NTMT1: variants seen among roughly 807,000 people sequenced by gnomAD.
NTMT1 encodes the protein N-terminal RCC1 methyltransferase.
NTMT1 carries 8 observed loss-of-function variants against 17.5 expected under a neutral mutation model. The observed-to-expected ratio is 0.46, with a 90% CI of 0.27 to 0.82. The LOEUF (loss-of-function observed/expected upper bound fraction) is 0.82. NTMT1 is among the 40% of genes least tolerant of loss of function. The pLI is 0.15. For synonymous variants in NTMT1, 128 were observed against 126.8 expected (o/e 1.01, Z -0.06); for missense variants, 221 against 303.5 (o/e 0.73, Z 2.02).
At chr9:129,630,146 A>G (rs183956943) in intron 1 of NTMT1, among the ~76,000 whole-genome samples, 1 of 152,342 alleles carries the variant, frequency 6.6e-6, no homozygotes, top group Non-Finnish European at 1.5e-5. Flanking sequence ...GTAGTGCAGA[A>G]TATAGTTCTG....
Position 129,613,257 on chromosome 9 carries a change from G to A in NTMT1, c.-55+4079G>A, listed in dbSNP as rs201110691. On this transcript the variant is annotated intron_variant, in intron 1 of 3. Coordinates refer to the NTMT1 transcript ENST00000372486. This position sits in a 1 kb window ranked among gnomAD's most constrained non-coding sequence, Gnocchi z 6.2. ...CCTGTGTCTTCTGGGTGGACCTGGG[G>A]GAGACAGGACCCCATGAGCTTCCTG... 5.0e-4 allele frequency: 801 copies of A among 1,600,180 alleles called. No homozygotes were observed. Among genetic ancestry groups the A allele is most frequent in the Non-Finnish European group, 6.3e-4 (741 of 1,171,612 alleles).
rs1831534872 is a variant in NTMT1 at position 129,636,047 on chromosome 9, CT to C, written c.*585del. ...AAGGGAAGTTCCCCGTAGCCTCAGT[CT>C]TCTCTGGGCTTGAGGCTGCTCCTTG... is the stretch of plus-strand genomic sequence containing the variant. On this transcript the variant is annotated 3_prime_UTR_variant, in exon 4 of 4. Transcript: ENST00000372483. 1.3e-5 allele frequency: 2 copies of C among 152,518 alleles called. No individual in the cohort carries two copies. Among genetic ancestry groups the C allele is most frequent in the Non-Finnish European group, 2.9e-5 (2 of 68,286 alleles). 9.4% of individuals were successfully genotyped at this position (152,518 alleles called of 1,614,324 possible).
rs1280501001 is a variant in NTMT1, at chr9:129,614,663, G to C, written c.-55+5485G>C. ...TCATGCCTGTAATCCCAGCACTTTG[G>C]GAGGCAGAGGCAGGTGGATCCCTGA... On this transcript the variant is annotated intron_variant, in intron 1 of 3. Transcript: ENST00000372486. The surrounding 1 kb of genome is among the most constrained non-coding windows in gnomAD (Gnocchi z 4.4). 6.6e-6 allele frequency among the ~76,000 whole-genome samples: 1 copy of C among 152,202 alleles called. No homozygotes were observed. The highest frequency in any genetic ancestry group is 2.4e-5 in the African/African-American group (1 of 41,444).
chr9:129,635,755 G>A lies in NTMT1; in HGVS notation c.*291G>A, dbSNP rs555178296. The stretch of plus-strand genomic sequence containing the variant: ...CTGGTGCTCCCCATGTGGGAATAGG[G>A]TGGCCACATCAGTAACCGATTCCCT... On this transcript the variant is annotated 3_prime_UTR_variant, in exon 4 of 4. Transcript: ENST00000372483. The A allele has an allele frequency of 2.3e-4, 80 of 355,018 alleles. No individual in the cohort carries two copies. In the Admixed American group the frequency reaches 2.3e-3, roughly 10 times the overall value. The allele number at this position is 355,018 out of a possible 1,614,324, so 22.0% of individuals were successfully genotyped here.
Position 129,620,410 on chromosome 9 carries a change from C to T in NTMT1, c.-55+11232C>T, listed in dbSNP as rs1178886340. 2 of 1,240,298 alleles carry T rather than the reference C, an allele frequency of 1.6e-6. No homozygotes were observed. Among genetic ancestry groups the T allele is most frequent in the African/African-American group, 3.1e-5 (2 of 64,230 alleles). 76.8% of individuals were successfully genotyped at this position (1,240,298 alleles called of 1,614,324 possible). On this transcript the variant is annotated intron_variant, in intron 1 of 3. Coordinates refer to the NTMT1 transcript ENST00000372486. The surrounding 1 kb of genome is among the most constrained non-coding windows in gnomAD (Gnocchi z 5.8). ...CCGGCCACCACGCGGCGCCGCCCCC[C>T]GGGATCCTCCAGTCCCCGGAGCCCC...
intron 1 of NTMT1, among the ~76,000 whole-genome samples, chr9:129,631,670 C>T (rs1376953034): frequency 6.6e-6 from 1 of 152,184 alleles, no homozygotes; most frequent in Non-Finnish European, 1.5e-5. Flanking sequence ...GACTGTGAGA[C>T]CAGGAACTGG....
Position 129,635,587 on chromosome 9 carries a change from T to A in NTMT1, c.*123T>A. On this transcript the variant is annotated 3_prime_UTR_variant, in exon 4 of 4. Transcript: ENST00000372483. Reference sequence around the variant, plus strand: ...CGAGGCACCACTAAATATAGCTGTCTGCCGTCCACTCATTATGCGGGCTCT... The same window carrying A: ...CGAGGCACCACTAAATATAGCTGTCAGCCGTCCACTCATTATGCGGGCTCT... 8.5e-7 allele frequency: 1 copy of A among 1,182,160 alleles called. No homozygotes were observed. Among genetic ancestry groups the A allele is most frequent in the Middle Eastern group, 2.1e-4 (1 of 4,876 alleles). 73.2% of individuals were successfully genotyped at this position (1,182,160 alleles called of 1,614,324 possible).
intron 1 of NTMT1, chr9:129,612,548 C>T: frequency 1.1e-6 from 1 of 923,256 alleles, no homozygotes; most frequent in Non-Finnish European, 1.7e-6. Context: ...CCCTGTTGGG[C>T]AGGTAGTGCT....
exon 1 of NTMT1, chr9:129,608,967 G>A (rs1258028609): frequency 6.6e-6 from 1 of 152,340 alleles, no homozygotes; most frequent in Non-Finnish European, 1.5e-5. Context: ...CCCGTGAAGA[G>A]GTGCTGAGTG....
chr9:129,619,861 T>G (rs1289724593), intron 1 of NTMT1: 3 of 1,608,008 alleles, frequency 1.9e-6, no homozygotes, highest in Non-Finnish European at 1.7e-6. Context: ...TTGTGAGCCT[T>G]GGCTGGGGGA....
chr9:129,625,136 G>A (rs1286455888), upstream of NTMT1, among the ~76,000 whole-genome samples: 1 of 152,096 alleles, frequency 6.6e-6, no homozygotes, highest in African/African-American at 2.4e-5. Context: ...ACTGAAGCTC[G>A]GAAATGTTAA....
chr9:129,629,228 G>C (rs774462647), intron 1 of NTMT1, among the ~76,000 whole-genome samples: 17 of 152,078 alleles, frequency 1.1e-4, no homozygotes, highest in Non-Finnish European at 2.4e-4. Flanking sequence ...CTGGCAGAGG[G>C]GCAGGCAGCC....
At chr9:129,609,290 A>AGT (rs1432679515) in intron 1 of NTMT1, 1 of 152,408 alleles carries the variant, frequency 6.6e-6, no homozygotes, top group Non-Finnish European at 1.5e-5. Flanking sequence ...AGAAAGGGGC[A>AGT]GTGACCTCCT....
chr9:129,612,975 C>T, intron 1 of NTMT1: 1 of 1,178,298 alleles, frequency 8.5e-7, no homozygotes, highest in South Asian at 1.4e-5. Context: ...CTGCAAGCCC[C>T]CACGGTGACT....
At chr9:129,611,363 G>A (rs1830110884) in intron 1 of NTMT1, among the ~76,000 whole-genome samples, 1 of 152,214 alleles carries the variant, frequency 6.6e-6, no homozygotes, top group Non-Finnish European at 1.5e-5. Flanking sequence ...GTGTGGCAGG[G>A]GCAAACCTGG....
chr9:129,633,364 C>T (rs1426210027), intron 2 of NTMT1: 7 of 234,588 alleles, frequency 3.0e-5, no homozygotes, highest in Non-Finnish European at 1.6e-5. Context: ...CATCCAGCGC[C>T]TCCCCTCCCT....
rs1447216768 is a variant in NTMT1 at position 129,626,282 on chromosome 9, A to C, written c.-68A>C. On this transcript the variant is annotated 5_prime_UTR_variant, in exon 1 of 4. Coordinates refer to ENST00000372483, the MANE Select transcript of NTMT1 (RefSeq NM_014064.4). ...CCCATCTTCTTCTCTCGGTCCCGGG[A>C]GCCCCCGCCCGGAGTGAGTAGCGCG... The C allele has an allele frequency of 1.3e-5, 2 of 151,874 alleles. No individual in the cohort carries two copies. The highest frequency in any genetic ancestry group is 4.8e-5 in the African/African-American group (2 of 41,298). 9.4% of individuals were successfully genotyped at this position (151,874 alleles called of 1,614,324 possible).
intron 2 of NTMT1, chr9:129,633,527 T>G (rs78542060): frequency 1.3e-5 from 2 of 156,134 alleles, no homozygotes; most frequent in Non-Finnish European, 2.8e-5. Context: ...TTTAGAAATG[T>G]GTGGCCCAGG....
chr9:129,620,630 G>A lies in NTMT1; in HGVS notation c.-55+11452G>A, dbSNP rs918022036. 7.8e-7 allele frequency: 1 copy of A among 1,277,190 alleles called. No homozygotes were observed. The highest frequency in any genetic ancestry group is 9.9e-7 in the Non-Finnish European group (1 of 1,010,910). 79.1% of individuals were successfully genotyped at this position (1,277,190 alleles called of 1,614,324 possible). ...TCAGCGCGCGTGGGTGGGGGGCGCCGGCTGAGGTGGGGAGGGCATAGTCCA... is the reference window on the plus strand; with the variant it reads ...TCAGCGCGCGTGGGTGGGGGGCGCCAGCTGAGGTGGGGAGGGCATAGTCCA... On this transcript the variant is annotated intron_variant, in intron 1 of 3. Transcript: ENST00000372486. This position sits in a 1 kb window ranked among gnomAD's most constrained non-coding sequence, Gnocchi z 5.8.
Sources: gnomAD v4.1 joint callset for allele counts (sites outside exome capture counted in the v4.1 genomes callset) on GRCh38, gnomAD v4.1.1 for gene constraint, Gnocchi (gnomAD v3.1) non-coding constraint, MANE v1.5 for transcripts, NCBI Gene and HGNC (gene_info 2026-07-23, HGNC 2026-07-21) for gene names.